The following MDGA2 variants were observed in gnomAD, a reference collection of about 807,000 sequenced individuals.
MDGA2 encodes MAM domain-containing glycosylphosphatidylinositol anchor protein 2.
In MDGA2, 40 loss-of-function variants were observed where a neutral mutation model predicts 117.8. The observed-to-expected ratio is 0.34, with a 90% CI of 0.26 to 0.44. MDGA2 has a LOEUF of 0.44. Ranked by LOEUF, MDGA2 falls within the 20% of genes least tolerant of loss-of-function variation. MDGA2 has a pLI of 1.00. For missense variants in MDGA2, 1,123 were observed against 1,250.6 expected, an observed-to-expected ratio of 0.90 and a Z score of 1.54; for synonymous variants, 452 against 439.0, an observed-to-expected ratio of 1.03 and a Z score of -0.37.
chr14:47,518,348 T>C (rs1336581993), intron 1 of MDGA2, among the ~76,000 whole-genome samples: 2 of 152,152 alleles, frequency 1.3e-5, no homozygotes, highest in Non-Finnish European at 2.9e-5. Flanking sequence ...AAAATATCTA[T>C]ATAGAGATAA....
At chr14:47,537,508 C>T (rs1175448049) in intron 1 of MDGA2, among the ~76,000 whole-genome samples, 1 of 128,160 alleles carries the variant, frequency 7.8e-6, no homozygotes, top group Non-Finnish European at 1.6e-5. Context: ...TGCTACTATG[C>T]AGCTCAAGAG....
At chr14:47,043,090 C>T (rs1889134966) in intron 7 of MDGA2, among the ~76,000 whole-genome samples, 1 of 151,956 alleles carries the variant, frequency 6.6e-6, no homozygotes. Context: ...AACTAATATG[C>T]TTGACCCATT....
chr14:46,889,543 A>G (rs1882800456), intron 10 of MDGA2, among the ~76,000 whole-genome samples: 3 of 152,092 alleles, frequency 2.0e-5, no homozygotes, highest in Admixed American at 6.6e-5. Flanking sequence ...GTTGTGTTCT[A>G]GCGTCTAGCA....
At chr14:47,556,763 G>A (rs1227869830) in intron 1 of MDGA2, among the ~76,000 whole-genome samples, 2 of 152,170 alleles carry the variant, frequency 1.3e-5, no homozygotes, top group Admixed American at 6.6e-5. Flanking sequence ...ATAGCTCTAT[G>A]GCACTTTTAC....
chr14:47,361,895 C>CTCTT (rs1891134322), intron 1 of MDGA2, among the ~76,000 whole-genome samples: 1 of 152,148 alleles, frequency 6.6e-6, no homozygotes, highest in African/African-American at 2.4e-5. Flanking sequence ...ATTCGAAGCA[C>CTCTT]TCTTCTTCAT....
intron 1 of MDGA2, among the ~76,000 whole-genome samples, chr14:47,465,610 C>T (rs111962048): frequency 6.6e-6 from 1 of 152,030 alleles, no homozygotes; most frequent in Non-Finnish European, 1.5e-5. Flanking sequence ...TAGAGAAATA[C>T]AAATCAAAAC....
chr14:47,576,014 A>G (rs1174283797), intron 1 of MDGA2, among the ~76,000 whole-genome samples: 2 of 152,148 alleles, frequency 1.3e-5, no homozygotes, highest in African/African-American at 2.4e-5. Context: ...TAAATTACAT[A>G]ATTACATCAT....
intron 4 of MDGA2, among the ~76,000 whole-genome samples, chr14:47,142,771 T>C (rs755590841): frequency 1.1e-4 from 17 of 152,160 alleles, no homozygotes; most frequent in Non-Finnish European, 2.2e-4. Flanking sequence ...AGTATCATAG[T>C]GGCCTAAATC....
At position 47,675,283 on chromosome 14, in the gene MDGA2, G is replaced by C. The variant is rs933269899; in HGVS notation, c.-487C>G. 5.7e-5 allele frequency among the ~76,000 whole-genome samples: 8 copies of C among 140,682 alleles called. No individual in the cohort carries two copies. The highest frequency in any genetic ancestry group is 1.5e-4 in the Admixed American group (2 of 13,724). The allele number at this position is 140,682 out of a possible 152,430, so 92.3% of individuals were successfully genotyped here. On this transcript the variant is annotated 5_prime_UTR_variant, in exon 1 of 17. The change creates a new upstream start codon in the 5' untranslated region. Transcript: ENST00000399232. ...CATTGCAACGCCAATCCTGTTACAC[G>C]ATACAGACTCGCATCGCCGAACGGG...
At chr14:47,223,665 G>T (rs559930947) in intron 2 of MDGA2, among the ~76,000 whole-genome samples, 1 of 152,096 alleles carries the variant, frequency 6.6e-6, no homozygotes, top group Non-Finnish European at 1.5e-5. Flanking sequence ...TGGATGTTTC[G>T]GACAACCCCT....
chr14:47,032,112 T>C (rs1402127163), intron 8 of MDGA2, among the ~76,000 whole-genome samples: 6 of 152,172 alleles, frequency 3.9e-5, no homozygotes, highest in East Asian at 1.9e-4. Context: ...ATATAAAGCA[T>C]AGCTTGTTAT....
chr14:47,674,417 C>A, intron 1 of MDGA2, 100 bp downstream of exon 1: 1 of 1,021,686 alleles, frequency 9.8e-7, no homozygotes, highest in Non-Finnish European at 1.5e-6. Context: ...AAATGCCACG[C>A]CGGGAGGGGC....
chr14:47,032,357 C>A (rs567284797), intron 8 of MDGA2, among the ~76,000 whole-genome samples: 20 of 152,146 alleles, frequency 1.3e-4, no homozygotes, highest in Middle Eastern at 3.4e-3. Context: ...GAGGCCGAGG[C>A]AGGAAGATTG....
intron 6 of MDGA2, 57 bp downstream of exon 6, chr14:47,096,797 G>A: frequency 6.5e-7 from 1 of 1,546,954 alleles, no homozygotes; most frequent in Non-Finnish European, 8.9e-7. Flanking sequence ...ACCATTATTT[G>A]CTTTTTGAGA....
intron 1 of MDGA2, among the ~76,000 whole-genome samples, chr14:47,555,571 G>T (rs982399639): frequency 1.3e-5 from 2 of 152,138 alleles, no homozygotes; most frequent in Admixed American, 1.3e-4. Context: ...AGGCAGGAAT[G>T]TAAGTAACAA....
At chr14:47,022,996 A>C (rs1254534424) in intron 8 of MDGA2, among the ~76,000 whole-genome samples, 1 of 152,104 alleles carries the variant, frequency 6.6e-6, no homozygotes, top group Non-Finnish European at 1.5e-5. Context: ...CTCTGTAGTT[A>C]ATCTCTGGGT....
In MDGA2 at chr14:47,600,723, TA is replaced by T. The variant is rs377627666; in HGVS notation, c.280+73793del. Among the ~76,000 whole-genome samples, 855 of 139,680 alleles carry T rather than the reference TA, an allele frequency of 6.1e-3. 3 individuals carry two copies. The highest frequency in any genetic ancestry group is 0.011 in the Middle Eastern group (3 of 278). 91.6% of individuals were successfully genotyped at this position (139,680 alleles called of 152,430 possible). On this transcript the variant is annotated intron_variant, in intron 1 of 16. Coordinates refer to ENST00000399232, the MANE Select transcript of MDGA2 (RefSeq NM_001113498.3). ...GTTGTGTCTTTTCTCATCGGATCAT[TA>T]AAAAAAAAAAAAGTAGGGAAGAGTG...
chr14:47,269,579 T>C (rs894896745), intron 2 of MDGA2, among the ~76,000 whole-genome samples: 2 of 152,152 alleles, frequency 1.3e-5, no homozygotes, highest in Non-Finnish European at 2.9e-5. Flanking sequence ...AAAATTCAAG[T>C]AATTGCAAAC....
chr14:47,507,512 T>C (rs948078903), intron 1 of MDGA2, among the ~76,000 whole-genome samples: 1 of 152,182 alleles, frequency 6.6e-6, no homozygotes, highest in African/African-American at 2.4e-5. Flanking sequence ...AGATTTCACA[T>C]AGCCATGTTT....
Sources: allele counts gnomAD v4.1 joint callset (sites outside exome capture counted in the v4.1 genomes callset), GRCh38; gene constraint gnomAD v4.1.1; transcripts MANE v1.5; gene names NCBI Gene and HGNC (gene_info 2026-07-23, HGNC 2026-07-21).